The following LSM14B variants were observed in gnomAD, a reference collection of about 807,000 sequenced individuals.
The protein encoded by LSM14B is LSM family member 14B.
A neutral mutation model predicts 42.1 loss-of-function variants in LSM14B; 8 were observed. That is an observed-to-expected ratio of 0.19 (90% CI 0.11 to 0.34). The LOEUF (loss-of-function observed/expected upper bound fraction) is 0.34, where lower values mean the gene tolerates loss of function less well. Ranked by LOEUF, LSM14B falls within the 10% of genes least tolerant of loss-of-function variation. The pLI, the probability that LSM14B is intolerant of heterozygous loss-of-function variation, is 1.00. For synonymous variants in LSM14B, 219 were observed against 209.7 expected, an observed-to-expected ratio of 1.04 and a Z score of -0.38; for missense variants, 396 against 513.1, an observed-to-expected ratio of 0.77 and a Z score of 2.21.
rs1039691844 is a variant in LSM14B, at chr20:62,135,058, T to C, written c.*910T>C. 1 of 152,074 alleles carries C rather than the reference T, an allele frequency of 6.6e-6. No individual in the cohort carries two copies. Among genetic ancestry groups the C allele is most frequent in the East Asian group, 1.9e-4 (1 of 5,160 alleles). The allele number at this position is 152,074 out of a possible 1,614,324, so 9.4% of individuals were successfully genotyped here. On this transcript the variant is annotated 3_prime_UTR_variant, in exon 9 of 9. Coordinates refer to ENST00000279068, the MANE Select transcript of LSM14B (RefSeq NM_144703.3). ...GAGCATATTTCCCCTCTGTTGTACA[T>C]CGTTGTTTTGTGTTTGTGTTGTAAC...
At chr20:62,129,627 A>G (rs539920712) in intron 3 of LSM14B, among the ~76,000 whole-genome samples, 158 bp from the exon 4 acceptor site, 7 of 152,294 alleles carry the variant, frequency 4.6e-5, no homozygotes, top group Non-Finnish European at 8.8e-5. Flanking sequence ...CTCAGAGGGA[A>G]TGGCCCAGTC....
chr20:62,122,486 C>T lies in LSM14B; in HGVS notation c.-181C>T, dbSNP rs978384358. On this transcript the variant is annotated 5_prime_UTR_variant, in exon 1 of 9. Coordinates refer to ENST00000279068, the MANE Select transcript of LSM14B (RefSeq NM_144703.3). This position sits in a 1 kb window ranked among gnomAD's most constrained non-coding sequence, Gnocchi z 4.6. ...CCTCTCAGAGCCCCAGTCGCGCGCC[C>T]CTTCTTGGTTCGCTCGGTGCCCGCG... The T allele has an allele frequency of 3.8e-5, 10 of 262,206 alleles. No homozygotes were observed. The East Asian group carries it at 9.0e-4, about 23-fold the overall frequency. The allele number at this position is 262,206 out of a possible 1,614,324, so 16.2% of individuals were successfully genotyped here.
rs1363743498 is a variant in LSM14B at position 62,129,847 on chromosome 20, G to C, written c.490G>C (p.Gly164Arg). 3 of 1,612,382 alleles carry C rather than the reference G, an allele frequency of 1.9e-6. No homozygotes were observed. The highest frequency in any genetic ancestry group is 2.5e-6 in the Non-Finnish European group (3 of 1,179,320). Residue 164 changes from glycine to arginine, a missense_variant, in exon 4 of 9, where the codon GGT becomes CGT. This residue lies in a region of LSM14B where 274 missense variants were observed against 335.8 expected (regional missense o/e 0.82). Transcript: ENST00000279068. ...SPMVEQAVQTGSADNLNAKKL... is the reference protein window; with the variant it reads ...SPMVEQAVQTRSADNLNAKKL... ...CATGGTGGAGCAGGCTGTGCAGACT[G>C]GTTCTGCTGACAACCTGAATGCTAA...
At chr20:62,131,661 A>G (rs1443884043) in intron 7 of LSM14B, among the ~76,000 whole-genome samples, 155 bp downstream of exon 7, 2 of 152,184 alleles carry the variant, frequency 1.3e-5, no homozygotes, top group Non-Finnish European at 2.9e-5. Context: ...CCGGAGTCCC[A>G]GCAGGTTGCG....
intron 3 of LSM14B, chr20:62,127,474 A>C: frequency 2.7e-6 from 2 of 739,976 alleles, no homozygotes; most frequent in Non-Finnish European, 4.5e-6. Flanking sequence ...TGTATGACAG[A>C]ATCCTACAAG....
chr20:62,133,194 T>C, intron 7 of LSM14B, 96 bp from the exon 8 acceptor site: 1 of 1,466,814 alleles, frequency 6.8e-7, no homozygotes, highest in Non-Finnish European at 9.2e-7. Flanking sequence ...CCCTGGTGAG[T>C]CTGTCCCTCC....
intron 6 of LSM14B, among the ~76,000 whole-genome samples, chr20:62,131,041 T>C (rs1203379214): frequency 6.6e-6 from 1 of 152,054 alleles, no homozygotes; most frequent in African/African-American, 2.4e-5. Flanking sequence ...AGAGCAAGAC[T>C]CTGTCTCAAG....
In LSM14B at chr20:62,122,798, C is replaced by T. The variant is rs1568699105; in HGVS notation, c.127+5C>T. ...CCACCGTGGCGCTCGCCAAAGGTAG[C>T]GGCCGCCGCCCGCCCGAGCCCGCTG... is the stretch of plus-strand genomic sequence containing the variant. On this transcript the variant is annotated splice_donor_5th_base_variant and intron_variant, in intron 1 of 8. Transcript: ENST00000279068. This position sits in a 1 kb window ranked among gnomAD's most constrained non-coding sequence, Gnocchi z 4.6. 1.3e-6 allele frequency: 2 copies of T among 1,492,846 alleles called. No individual in the cohort carries two copies. Among genetic ancestry groups the T allele is most frequent in the Non-Finnish European group, 9.0e-7 (1 of 1,113,234 alleles). The allele number at this position is 1,492,846 out of a possible 1,614,324, so 92.5% of individuals were successfully genotyped here. A position where few individuals can be genotyped will look rare whatever the true frequency, so the allele number is the denominator to read the frequency against.
At chr20:62,131,791 C>T (rs894284647) in intron 7 of LSM14B, among the ~76,000 whole-genome samples, 1 of 152,240 alleles carries the variant, frequency 6.6e-6, no homozygotes, top group Non-Finnish European at 1.5e-5. Context: ...CCGGCAGACC[C>T]GTGTCCACAT....
intron 3 of LSM14B, among the ~76,000 whole-genome samples, chr20:62,128,299 T>C (rs535226164): frequency 4.6e-4 from 70 of 152,326 alleles, no homozygotes; most frequent in African/African-American, 1.7e-3. Flanking sequence ...CTAAAATTCA[T>C]ATTGACGATC....
chr20:62,132,613 A>G (rs1391813300), intron 7 of LSM14B, among the ~76,000 whole-genome samples: 1 of 152,264 alleles, frequency 6.6e-6, no homozygotes, highest in Non-Finnish European at 1.5e-5. Context: ...AATGACTCCT[A>G]AGTCTTTTGG....
In LSM14B at chr20:62,133,393, G is replaced by A; in HGVS notation, c.1090G>A (p.Gly364Arg). ...RGRSSRGGFR[G>R]GRGNGTTRRN... ...CCGCAGTTCTCGGGGCGGATTCCGA[G>A]GAGGCAGGGGCAATGGGACCACCCG... Residue 364 changes from glycine (G) to arginine (R), a missense_variant, in exon 8 of 9, where the codon GGA (glycine) becomes AGA (arginine). Gly to Arg is a moderately radical substitution (Grantham distance 125). Around this residue, in one of 3 missense-constraint regions of LSM14B, gnomAD observed 118 missense variants for 156.4 expected, o/e 0.75. Transcript: ENST00000279068. 1.9e-6 allele frequency: 3 copies of A among 1,613,510 alleles called. No individual in the cohort carries two copies. The highest frequency in any genetic ancestry group is 2.5e-6 in the Non-Finnish European group (3 of 1,179,690).
chr20:62,130,316 G>A lies in LSM14B; in HGVS notation c.673+20G>A. The A allele has an allele frequency of 3.2e-6, 5 of 1,574,776 alleles. No homozygotes were observed. Among genetic ancestry groups the A allele is most frequent in the South Asian group, 1.2e-5 (1 of 85,798 alleles). Reference sequence around the variant, plus strand: ...GATCAGGTAACACCTGTTGCCACTTGATTTCTGGGGACCACGAGTGATCAG... The same window carrying A: ...GATCAGGTAACACCTGTTGCCACTTAATTTCTGGGGACCACGAGTGATCAG... On this transcript the variant is annotated intron_variant, in intron 5 of 8. Transcript: ENST00000279068. This position sits in a 1 kb window ranked among gnomAD's most constrained non-coding sequence, Gnocchi z 4.1.
chr20:62,127,504 A>T (rs1313422620), intron 3 of LSM14B: 37 of 1,024,002 alleles, frequency 3.6e-5, no homozygotes. Flanking sequence ...GGCTCTTTCC[A>T]AGCTTGCTAG....
intron 8 of LSM14B, among the ~76,000 whole-genome samples, chr20:62,133,934 C>T (rs1366172744): frequency 6.6e-6 from 1 of 152,244 alleles, no homozygotes; most frequent in African/African-American, 2.4e-5. Context: ...CACCCAGCGC[C>T]TCGGGACAGC....
intron 3 of LSM14B, chr20:62,127,438 A>C: frequency 3.2e-6 from 2 of 634,206 alleles, no homozygotes; most frequent in South Asian, 3.9e-5. Flanking sequence ...TTCCCAGCCC[A>C]GCTCTCTGGG....
In LSM14B at chr20:62,133,299, G is replaced by C. The variant is rs909438834; in HGVS notation, c.996G>C (p.Arg332=). 3 of 1,613,426 alleles carry C rather than the reference G, an allele frequency of 1.9e-6. No individual in the cohort carries two copies. The highest frequency in any genetic ancestry group is 2.7e-5 in the African/African-American group (2 of 74,996). ...TTCCTCTGTGGTTTAGCTCCAGGCG[G>C]ACGACGTGGGCCGAAGAGAGGAAGC... ...ISSELKTSSR[R]TTWAEERKLN... Residue 332 remains arginine, a synonymous_variant, in exon 8 of 9, where the codon CGG becomes CGC. Coordinates refer to ENST00000279068, the MANE Select transcript of LSM14B (RefSeq NM_144703.3).
rs1292096544 is a variant in LSM14B, at chr20:62,122,810, G to A, written c.127+17G>A. On this transcript the variant is annotated intron_variant, in intron 1 of 8. Coordinates refer to ENST00000279068, the MANE Select transcript of LSM14B (RefSeq NM_144703.3). This position sits in a 1 kb window ranked among gnomAD's most constrained non-coding sequence, Gnocchi z 4.6. ...TCGCCAAAGGTAGCGGCCGCCGCCC[G>A]CCCGAGCCCGCTGACCCCCGTCCGC... The A allele has an allele frequency of 3.4e-6, 5 of 1,476,260 alleles. No individual in the cohort carries two copies. The highest frequency in any genetic ancestry group is 2.5e-5 in the South Asian group (2 of 80,308). The allele number at this position is 1,476,260 out of a possible 1,614,324, so 91.4% of individuals were successfully genotyped here.
At position 62,130,181 on chromosome 20, in the gene LSM14B, A is replaced by G. The variant is rs775819711; in HGVS notation, c.596-38A>G. 9.0e-6 allele frequency: 14 copies of G among 1,562,116 alleles called. No individual in the cohort carries two copies. In the Middle Eastern group the frequency reaches 5.0e-4, roughly 56 times the overall value. Reference sequence around the variant, plus strand: ...AGCTGGGTTCTGGCTTCCGGCTGCTATAGGAGCTTTGCCTTACTCTTCCCT... The same window carrying G: ...AGCTGGGTTCTGGCTTCCGGCTGCTGTAGGAGCTTTGCCTTACTCTTCCCT... On this transcript the variant is annotated intron_variant, in intron 4 of 8. Transcript: ENST00000279068. This position sits in a 1 kb window ranked among gnomAD's most constrained non-coding sequence, Gnocchi z 4.1.
Sources: gnomAD v4.1 joint callset for allele counts (sites outside exome capture counted in the v4.1 genomes callset) on GRCh38, gnomAD v4.1.1 for gene constraint, gnomAD v4.1.1 regional missense constraint, Gnocchi (gnomAD v3.1) non-coding constraint, MANE v1.5 for transcripts, NCBI Gene and HGNC (gene_info 2026-07-23, HGNC 2026-07-21) for gene names.